The following ROBO1 variants were observed in gnomAD, a reference collection of about 807,000 sequenced individuals.
ROBO1 encodes roundabout guidance receptor 1.
Under a neutral mutation model 195.9 loss-of-function variants are expected in ROBO1, and 149 were observed. The ratio of observed to expected loss-of-function variants is 0.76; its 90% CI spans 0.67 to 0.87. The LOEUF is 0.87. Ranked by LOEUF, ROBO1 falls within the 40% of genes least tolerant of loss-of-function variation. ROBO1 has a pLI of 0.00. For missense variants in ROBO1, 1,933 were observed against 2,068.3 expected, an observed-to-expected ratio of 0.93 and a Z score of 1.27; for synonymous variants, 816 against 733.2, an observed-to-expected ratio of 1.11 and a Z score of -1.82.
At chr3:78,686,231 T>C (rs1187103057) in intron 9 of ROBO1, among the ~76,000 whole-genome samples, 1 of 152,120 alleles carries the variant, frequency 6.6e-6, no homozygotes, top group Non-Finnish European at 1.5e-5. Context: ...TATTTTTCTA[T>C]CTGTTTTTAA....
At chr3:79,355,254 G>A (rs2035504379) in intron 2 of ROBO1, among the ~76,000 whole-genome samples, 3 of 151,778 alleles carry the variant, frequency 2.0e-5, no homozygotes, top group African/African-American at 4.8e-5. Context: ...AATTATCAGA[G>A]GTTAAATTTT....
chr3:79,518,273 A>T (rs1338676311), intron 2 of ROBO1, among the ~76,000 whole-genome samples: 4 of 152,176 alleles, frequency 2.6e-5, no homozygotes, highest in Admixed American at 6.5e-5. Context: ...GGAGAAAAAA[A>T]TGCATAGGGT....
intron 4 of ROBO1, among the ~76,000 whole-genome samples, chr3:78,833,473 G>T (rs1425064166): frequency 2.0e-5 from 3 of 151,924 alleles, no homozygotes; most frequent in African/African-American, 7.3e-5. Context: ...AACAATGAAA[G>T]ATATTTAATT....
chr3:79,416,438 TAA>T (rs550048639), intron 2 of ROBO1, among the ~76,000 whole-genome samples: 11 of 134,728 alleles, frequency 8.2e-5, no homozygotes, highest in Admixed American at 7.5e-5. Flanking sequence ...ACCCCATCTC[TAA>T]AAAAAAAAAA....
chr3:78,639,850 T>C lies in ROBO1; in HGVS notation c.2931A>G (p.Ala977=), dbSNP rs1213770564. ...ISEPAAQPWL[A]DTWPNTGNNH... ...TGTTGCCAGTATTAGGCCACGTGTC[T>C]GCCAGCCATGGCTGCGCGGCAGGTT... is the stretch of plus-strand genomic sequence containing the variant. Residue 977 remains alanine, a synonymous_variant, in exon 22 of 31, where the codon GCA becomes GCG. Coordinates refer to ENST00000464233, the MANE Select transcript of ROBO1 (RefSeq NM_002941.4). The C allele has an allele frequency of 4.3e-6, 7 of 1,612,370 alleles. No individual in the cohort carries two copies. Among genetic ancestry groups the C allele is most frequent in the Admixed American group, 3.3e-5 (2 of 59,874 alleles).
At chr3:78,916,760 G>A (rs555163382) in intron 4 of ROBO1, among the ~76,000 whole-genome samples, 1 of 152,030 alleles carries the variant, frequency 6.6e-6, no homozygotes, top group East Asian at 1.9e-4. Context: ...TGTAGTTTCT[G>A]GAAATTACTA....
intron 2 of ROBO1, among the ~76,000 whole-genome samples, chr3:79,518,712 C>T (rs549328425): frequency 6.6e-6 from 1 of 151,922 alleles, no homozygotes; most frequent in Non-Finnish European, 1.5e-5. Flanking sequence ...TGGAATTTTG[C>T]TCTTGTTGCC....
At chr3:79,740,936 T>C (rs946210780) in intron 1 of ROBO1, among the ~76,000 whole-genome samples, 8 of 152,172 alleles carry the variant, frequency 5.3e-5, no homozygotes, top group Non-Finnish European at 1.2e-4. Context: ...GTGGTAGATA[T>C]AAAAAATAGT....
intron 20 of ROBO1, 60 bp from the exon 21 acceptor site, chr3:78,646,250 A>T: frequency 1.4e-6 from 2 of 1,452,918 alleles, no homozygotes; most frequent in Non-Finnish European, 1.9e-6. Flanking sequence ...ATCAAAAGCT[A>T]TTACATTCAT....
chr3:79,396,533 A>G (rs1243003719), intron 2 of ROBO1, among the ~76,000 whole-genome samples: 1 of 152,108 alleles, frequency 6.6e-6, no homozygotes, highest in Non-Finnish European at 1.5e-5. Flanking sequence ...ATTTAGCAAC[A>G]TTGTTATCTT....
At chr3:79,382,539 A>G (rs1171442661) in intron 2 of ROBO1, among the ~76,000 whole-genome samples, 3 of 152,152 alleles carry the variant, frequency 2.0e-5, no homozygotes, top group Admixed American at 1.3e-4. Context: ...TGGTGATATA[A>G]TCTGATAATA....
At chr3:79,511,485 C>A (rs1940702569) in intron 2 of ROBO1, among the ~76,000 whole-genome samples, 1 of 152,092 alleles carries the variant, frequency 6.6e-6, no homozygotes. Flanking sequence ...CTGTAATTTT[C>A]ATCATCTTGT....
intron 1 of ROBO1, among the ~76,000 whole-genome samples, chr3:79,699,036 G>A (rs1446984128): frequency 1.3e-5 from 2 of 150,254 alleles, no homozygotes; most frequent in Non-Finnish European, 3.0e-5. Context: ...TTTTTTCAAA[G>A]AGAGATCATT....
chr3:79,123,607 C>G (rs867690302), intron 3 of ROBO1, among the ~76,000 whole-genome samples: 1 of 151,830 alleles, frequency 6.6e-6, no homozygotes, highest in Non-Finnish European at 1.5e-5. Flanking sequence ...TTTTCCAAAA[C>G]AAAATATACA....
At chr3:79,504,001 C>T (rs974332301) in intron 2 of ROBO1, among the ~76,000 whole-genome samples, 2 of 152,110 alleles carry the variant, frequency 1.3e-5, no homozygotes, top group Admixed American at 6.5e-5. Context: ...GGTCTGGACT[C>T]TTGAGTTTCA....
rs191414450 is a variant in ROBO1 at position 79,150,799 on chromosome 3, C to T, written c.89-25260G>A. ...TGTCCATAAAAGGATATCTTGACTT[C>T]CATGCCCACCACCAATACACATACA... On this transcript the variant is annotated intron_variant, in intron 2 of 30. Transcript: ENST00000464233. 5.2e-4 allele frequency among the ~76,000 whole-genome samples: 79 copies of T among 151,898 alleles called. 1 individual carries two copies. The highest frequency in any genetic ancestry group is 7.4e-4 in the Non-Finnish European group (50 of 67,832).
chr3:78,739,408 T>C (rs377430288), intron 5 of ROBO1, among the ~76,000 whole-genome samples: 8 of 152,152 alleles, frequency 5.3e-5, no homozygotes, highest in African/African-American at 1.7e-4. Context: ...ACTTTTGAAA[T>C]GTGTGCAGCT....
At chr3:78,693,768 A>G (rs1474423864) in intron 8 of ROBO1, among the ~76,000 whole-genome samples, 2 of 152,230 alleles carry the variant, frequency 1.3e-5, no homozygotes, top group East Asian at 1.9e-4. Context: ...TAGAAAAAAG[A>G]ACATTAAATC....
At chr3:79,762,699 T>C (rs939324905) in intron 1 of ROBO1, among the ~76,000 whole-genome samples, 3 of 152,048 alleles carry the variant, frequency 2.0e-5, no homozygotes, top group Non-Finnish European at 4.4e-5. Flanking sequence ...TAGTAATTGA[T>C]AATTCTGAAG....
Sources: gnomAD v4.1 joint callset for allele counts (sites outside exome capture counted in the v4.1 genomes callset) on GRCh38, gnomAD v4.1.1 for gene constraint, MANE v1.5 for transcripts, NCBI Gene and HGNC (gene_info 2026-07-23, HGNC 2026-07-21) for gene names.